Variants in RBM19 observed in about 807,000 individuals in gnomAD.
RBM19 encodes the protein probable RNA-binding protein 19.
RBM19 carries 94 observed loss-of-function variants against 116.8 expected under a neutral mutation model. That is an observed-to-expected ratio of 0.80 (90% CI 0.68 to 0.95). The LOEUF is 0.95. Ranked by LOEUF, RBM19 falls within the 40% of genes least tolerant of loss-of-function variation. RBM19 has a pLI of 0.00. For missense variants in RBM19, 1,161 were observed against 1,220.7 expected (o/e 0.95, Z 0.73); for synonymous variants, 475 against 494.1 (o/e 0.96, Z 0.51).
chr12:113,887,059 CA>C (rs1443516063), intron 21 of RBM19, among the ~76,000 whole-genome samples: 2 of 152,144 alleles, frequency 1.3e-5, no homozygotes, highest in Non-Finnish European at 2.9e-5. Context: ...GGAAAAAAAT[CA>C]CAAGAATAAC....
rs1021617110 is a variant in RBM19 at position 113,947,371 on chromosome 12, A to C, written c.1370T>G (p.Val457Gly). Residue 457 changes from valine to glycine, a missense_variant, in exon 11 of 24, where the codon GTG becomes GGG. Val to Gly is a moderately radical substitution (Grantham distance 109). Transcript: ENST00000261741. ...CCCGTCCACCTCCGAGTAGGCCTTC[A>C]CAGCGTGCTCAGGGAACATGAAGGT... ...FITFMFPEHA[V>G]KAYSEVDGQV... 7.5e-6 allele frequency: 12 copies of C among 1,608,526 alleles called. No individual in the cohort carries two copies. The highest frequency in any genetic ancestry group is 1.3e-5 in the African/African-American group (1 of 74,852).
intron 20 of RBM19, among the ~76,000 whole-genome samples, chr12:113,917,038 G>A (rs1352044959): frequency 6.6e-6 from 1 of 152,244 alleles, no homozygotes; most frequent in Non-Finnish European, 1.5e-5. Flanking sequence ...CAGAAGAGAT[G>A]TGGAACATTT....
chr12:113,827,234 C>G (rs1014054484), intron 23 of RBM19, among the ~76,000 whole-genome samples: 3 of 152,124 alleles, frequency 2.0e-5, no homozygotes, highest in African/African-American at 7.2e-5. Context: ...ACAGCTGCAC[C>G]CGAAGATAAA....
intron 21 of RBM19, among the ~76,000 whole-genome samples, chr12:113,888,280 A>C (rs1417779935): frequency 6.6e-6 from 1 of 152,226 alleles, no homozygotes; most frequent in Non-Finnish European, 1.5e-5. Context: ...CTGTTTAATG[A>C]CATAACAAAT....
At chr12:113,884,952 C>T (rs1221982158) in intron 21 of RBM19, among the ~76,000 whole-genome samples, 8 of 152,046 alleles carry the variant, frequency 5.3e-5, no homozygotes, top group Non-Finnish European at 1.0e-4. Flanking sequence ...TATGAGGAAA[C>T]GGAATGTGGA....
At chr12:113,875,316 G>C (rs960847770) in intron 21 of RBM19, among the ~76,000 whole-genome samples, 3 of 152,234 alleles carry the variant, frequency 2.0e-5, no homozygotes, top group African/African-American at 7.2e-5. Context: ...GCAGGGAAGG[G>C]TTGAAATGAA....
chr12:113,823,626 G>C (rs1212205722), intron 23 of RBM19, among the ~76,000 whole-genome samples: 6 of 152,050 alleles, frequency 3.9e-5, no homozygotes, highest in African/African-American at 1.5e-4. Flanking sequence ...ACCATGGCGG[G>C]GCTGCCTCCC....
chr12:113,923,837 T>A (rs1868810794), intron 18 of RBM19, among the ~76,000 whole-genome samples: 1 of 152,250 alleles, frequency 6.6e-6, no homozygotes, highest in Non-Finnish European at 1.5e-5. Flanking sequence ...ACTGTGTGCA[T>A]GCTGCGGGCA....
At chr12:113,946,247 G>A (rs1566034794) in intron 12 of RBM19, 107 bp downstream of exon 12, 3 of 1,480,766 alleles carry the variant, frequency 2.0e-6, no homozygotes, top group Non-Finnish European at 1.9e-6. Context: ...GGTAAGGTAT[G>A]AACTAAACCC....
At chr12:113,899,490 C>T (rs780588517) in intron 21 of RBM19, among the ~76,000 whole-genome samples, 4 of 152,178 alleles carry the variant, frequency 2.6e-5, no homozygotes, top group African/African-American at 9.7e-5. Flanking sequence ...GTTACTAAGT[C>T]AAGACAAAAC....
Position 113,903,762 on chromosome 12 carries a change from CT to C in RBM19, c.2558+11206del, listed in dbSNP as rs1881863982. Among the ~76,000 whole-genome samples, 1 of 152,176 alleles carries C rather than the reference CT, an allele frequency of 6.6e-6. No individual in the cohort carries two copies. Among genetic ancestry groups the C allele is most frequent in the African/African-American group, 2.4e-5 (1 of 41,418 alleles). On this transcript the variant is annotated intron_variant, in intron 21 of 23. Coordinates refer to ENST00000261741, the MANE Select transcript of RBM19 (RefSeq NM_016196.4). The surrounding 1 kb of genome is among the most constrained non-coding windows in gnomAD (Gnocchi z 5.1). ...CCCTGAATATTCCTCTTGGGCATTC[CT>C]TTTGTAGGCTGGCCAACCCTATATC...
At chr12:113,946,033 T>C (rs1459197686) in intron 12 of RBM19, 109 bp from the exon 13 acceptor site, 3 of 1,024,272 alleles carry the variant, frequency 2.9e-6, no homozygotes, top group African/African-American at 1.6e-5. Flanking sequence ...CCTATCTACA[T>C]GCCCCCAATT....
intron 23 of RBM19, among the ~76,000 whole-genome samples, chr12:113,828,035 C>A (rs370983299): frequency 6.8e-6 from 1 of 147,396 alleles, no homozygotes; most frequent in African/African-American, 2.5e-5. Context: ...ACTGAGAGCA[C>A]GAGGGTGGGC....
Position 113,959,307 on chromosome 12 carries a change from G to A in RBM19, c.476C>T (p.Ser159Leu), listed in dbSNP as rs1872274515. ...ACTGGCCGGCTTGCTCTTCCCTTTCGAGGGCTCAGCATCCAGGCCATCATT... is the reference window on the plus strand; with the variant it reads ...ACTGGCCGGCTTGCTCTTCCCTTTCAAGGGCTCAGCATCCAGGCCATCATT... ...WANDGLDAEP[S>L]KGKSKPASDY... The change falls in exon 5 of 24, where the codon TCG (serine) becomes TTG (leucine). Residue 159 changes from serine to leucine, a missense_variant. Physicochemically the swap from Ser to Leu is moderately radical, Grantham distance 145. Transcript: ENST00000261741. The A allele has an allele frequency of 6.2e-6, 10 of 1,613,990 alleles. No homozygotes were observed. The highest frequency in any genetic ancestry group is 2.2e-5 in the East Asian group (1 of 44,864).
At chr12:113,827,509 A>G in intron 23 of RBM19, among the ~76,000 whole-genome samples, 1 of 109,296 alleles carries the variant, frequency 9.1e-6, no homozygotes, top group African/African-American at 3.5e-5. Flanking sequence ...GCAGGCAGGG[A>G]GAAAGGGCGG....
In RBM19 at chr12:113,940,069, A is replaced by G; in HGVS notation, c.1829T>C (p.Phe610Ser). ...CAGCAGCACGCGGCCCAGGCTGCCA[A>G]AATGGCCGAAGGTCTCCTGCAGCTG... ...AAQLQETFGH[F>S]GSLGRVLLPE... Residue 610 changes from phenylalanine (F) to serine (S), a missense_variant, in exon 15 of 24, where the codon TTT becomes TCT. Transcript: ENST00000261741. 2.5e-6 allele frequency: 4 copies of G among 1,614,080 alleles called. No individual in the cohort carries two copies. The highest frequency in any genetic ancestry group is 3.4e-6 in the Non-Finnish European group (4 of 1,179,964).
chr12:113,946,947 G>GA (rs1871077688), intron 11 of RBM19, among the ~76,000 whole-genome samples: 1 of 152,236 alleles, frequency 6.6e-6, no homozygotes, highest in African/African-American at 2.4e-5. Flanking sequence ...GTAACACTGG[G>GA]AAAAGAGAAG....
downstream of RBM19, among the ~76,000 whole-genome samples, chr12:113,818,454 G>A (rs933688560): frequency 2.6e-4 from 39 of 152,286 alleles, no homozygotes; most frequent in African/African-American, 8.7e-4. Flanking sequence ...CCAACATGGC[G>A]CAGCGCCCTG....
rs555306615 is a variant in RBM19, at chr12:113,949,002, G to A, written c.1107C>T (p.Asn369=). The change falls in exon 10 of 24, where the codon AAC becomes AAT. Residue 369 remains asparagine, a synonymous_variant. Transcript: ENST00000261741. ...GRYIEVFREK[N]VPTTKGAPKN... is the part of the protein sequence containing the mutation. ...TTGGTGCACCCTTGGTGGTGGGGAC[G>A]TTCTTTTCCCTGAACACCTCGATGT... 27 of 1,614,030 alleles carry A rather than the reference G, an allele frequency of 1.7e-5. No individual in the cohort carries two copies. The East Asian group carries it at 1.8e-4, about 11-fold the overall frequency.
Sources: gnomAD v4.1 joint callset for allele counts (sites outside exome capture counted in the v4.1 genomes callset) on GRCh38, gnomAD v4.1.1 for gene constraint, Gnocchi (gnomAD v3.1) non-coding constraint, MANE v1.5 for transcripts, NCBI Gene and HGNC (gene_info 2026-07-23, HGNC 2026-07-21) for gene names.